PHF24: variants seen among roughly 807,000 people sequenced by gnomAD.
PHF24 encodes PHD finger protein 24, also known as Galpha inhibitory interacting protein.
In PHF24, 25 loss-of-function variants were observed where a neutral mutation model predicts 42.6. That is an observed-to-expected ratio of 0.59 (90% CI 0.43 to 0.82). The LOEUF is 0.82. PHF24 is among the 40% of genes least tolerant of loss of function. The pLI is 0.00. For synonymous variants in PHF24, 185 were observed against 204.8 expected, an observed-to-expected ratio of 0.90 and a Z score of 0.83; for missense variants, 470 against 538.1, an observed-to-expected ratio of 0.87 and a Z score of 1.25.
the PHF24 span, among the ~76,000 whole-genome samples, chr9:34,871,152 A>G: frequency 6.6e-6 from 1 of 152,184 alleles, no homozygotes; most frequent in Non-Finnish European, 1.5e-5. Context: ...ATAGCTATGT[A>G]ATCTTGTCTT....
chr9:34,856,174 T>C, the PHF24 span, among the ~76,000 whole-genome samples: 1 of 152,186 alleles, frequency 6.6e-6, no homozygotes, highest in Non-Finnish European at 1.5e-5. Flanking sequence ...AGTTCCTGTA[T>C]TGTTTTACCA....
the PHF24 span, among the ~76,000 whole-genome samples, chr9:34,884,788 G>A: frequency 3.3e-5 from 5 of 152,180 alleles, no homozygotes; most frequent in Admixed American, 2.0e-4. Flanking sequence ...GGCATGACAG[G>A]ACTGAACAAA....
At chr9:34,977,315 T>G in intron 6 of PHF24, 72 bp downstream of exon 6, 1 of 1,496,928 alleles carries the variant, frequency 6.7e-7, no homozygotes, top group Non-Finnish European at 9.0e-7. Flanking sequence ...GGCCCTTCCA[T>G]ACCTCCCTGC....
At chr9:34,842,599 A>C in the PHF24 span, among the ~76,000 whole-genome samples, 6 of 152,118 alleles carry the variant, frequency 3.9e-5, no homozygotes, top group Non-Finnish European at 8.8e-5. Context: ...CCTCTGGAGG[A>C]TGCAGCAACC....
At chr9:34,927,701 T>C in the PHF24 span, among the ~76,000 whole-genome samples, 3 of 152,106 alleles carry the variant, frequency 2.0e-5, no homozygotes, top group Non-Finnish European at 4.4e-5. Context: ...GCCCAGTGCT[T>C]CCTCGCTGCC....
chr9:34,830,741 G>A, the PHF24 span, among the ~76,000 whole-genome samples: 1 of 152,150 alleles, frequency 6.6e-6, no homozygotes, highest in Non-Finnish European at 1.5e-5. Context: ...ACCTCCCAAA[G>A]CAGGTCTGTA....
chr9:34,977,503 T>A (rs1358868824), intron 6 of PHF24, 43 bp from the exon 7 acceptor site: 1 of 1,558,522 alleles, frequency 6.4e-7, no homozygotes, highest in Non-Finnish European at 8.7e-7. Context: ...GGGGCAGGCA[T>A]TTCACTATCC....
the PHF24 span, among the ~76,000 whole-genome samples, chr9:34,752,517 A>G: frequency 6.6e-6 from 1 of 152,184 alleles, no homozygotes; most frequent in Non-Finnish European, 1.5e-5. Flanking sequence ...CAGTTCAGTA[A>G]CAAGTAATGA....
At chr9:34,883,933 C>G in the PHF24 span, among the ~76,000 whole-genome samples, 13 of 152,168 alleles carry the variant, frequency 8.5e-5, no homozygotes, top group Non-Finnish European at 1.8e-4. Context: ...TATTGCAGCA[C>G]TATTCACAAT....
intron 6 of PHF24, 81 bp downstream of exon 6, chr9:34,977,324 G>T: frequency 6.8e-7 from 1 of 1,480,182 alleles, no homozygotes. Context: ...ATACCTCCCT[G>T]CTCCCCCTGC....
the PHF24 span, among the ~76,000 whole-genome samples, chr9:34,753,369 G>T: frequency 5.9e-5 from 9 of 151,982 alleles, no homozygotes; most frequent in Middle Eastern, 0.02. Flanking sequence ...ATCTGAAAAA[G>T]AAATCAAGAA....
the PHF24 span, among the ~76,000 whole-genome samples, chr9:34,853,545 T>C: frequency 2.0e-5 from 3 of 152,090 alleles, no homozygotes; most frequent in Non-Finnish European, 4.4e-5. Flanking sequence ...TGGCACCAGC[T>C]CGGCCGGGCG....
At chr9:34,971,343 G>A in exon 2 of PHF24, 1 of 1,613,174 alleles carries the variant, frequency 6.2e-7, no homozygotes, top group Non-Finnish European at 8.5e-7. Flanking sequence ...AGCAGGTGCA[G>A]AAGGTGAGTC....
chr9:34,866,591 G>A, the PHF24 span, among the ~76,000 whole-genome samples: 6 of 152,164 alleles, frequency 3.9e-5, no homozygotes, highest in Non-Finnish European at 8.8e-5. Flanking sequence ...CCTGAGCTCA[G>A]TGCACATCTA....
At chr9:34,748,675 A>AT in the PHF24 span, among the ~76,000 whole-genome samples, 2 of 152,208 alleles carry the variant, frequency 1.3e-5, no homozygotes, top group African/African-American at 4.8e-5. Context: ...GATCAAAAAC[A>AT]TAGTATCACA....
the PHF24 span, among the ~76,000 whole-genome samples, chr9:34,765,680 G>A: frequency 2.7e-5 from 4 of 149,910 alleles, no homozygotes; most frequent in Non-Finnish European, 4.5e-5. Flanking sequence ...TCTTTTAATT[G>A]GAGCATTTAG....
At chr9:34,944,122 C>T in the PHF24 span, among the ~76,000 whole-genome samples, 1 of 152,236 alleles carries the variant, frequency 6.6e-6, no homozygotes, top group South Asian at 2.1e-4. Flanking sequence ...TTGGCCATCA[C>T]TTTCTTCAAG....
chr9:34,873,751 G>A, the PHF24 span, among the ~76,000 whole-genome samples: 2 of 150,016 alleles, frequency 1.3e-5, no homozygotes, highest in Admixed American at 6.6e-5. Flanking sequence ...GAAAGTCATT[G>A]GTAGCTTGAT....
the PHF24 span, among the ~76,000 whole-genome samples, chr9:34,931,032 T>A: frequency 4.5e-4 from 68 of 152,126 alleles, no homozygotes; most frequent in Middle Eastern, 3.4e-3. Flanking sequence ...CTCCTGATGG[T>A]GAGTGAGTTT....
Sources: allele counts gnomAD v4.1 joint callset (sites outside exome capture counted in the v4.1 genomes callset), GRCh38; gene constraint gnomAD v4.1.1; transcripts MANE v1.5; gene names NCBI Gene and HGNC (gene_info 2026-07-23, HGNC 2026-07-21).